Variants in CEP250 observed in about 807,000 individuals in gnomAD.
CEP250 encodes the protein centrosome-associated protein CEP250.
CEP250 carries 242 observed loss-of-function variants against 315.7 expected under a neutral mutation model. The ratio of observed to expected loss-of-function variants is 0.77; its 90% CI spans 0.69 to 0.85. The LOEUF is 0.85. CEP250 is among the 40% of genes least tolerant of loss of function. The probability of loss-of-function intolerance (pLI) is 0.00; values close to 1 mark genes in which losing one functional copy is unlikely to be tolerated. For synonymous variants in CEP250, 1,088 were observed against 1,175.0 expected (o/e 0.93, Z 1.51); for missense variants, 2,515 against 2,886.4 (o/e 0.87, Z 2.95).
intron 20 of CEP250, among the ~76,000 whole-genome samples, chr20:35,486,176 G>A (rs2063509027): frequency 6.6e-6 from 1 of 151,282 alleles, no homozygotes; most frequent in Non-Finnish European, 1.5e-5. Flanking sequence ...TACCACACCT[G>A]GCTAATTTTT....
At chr20:35,489,174 T>G (rs2063610743) in intron 20 of CEP250, among the ~76,000 whole-genome samples, 1 of 136,958 alleles carries the variant, frequency 7.3e-6, no homozygotes, top group Non-Finnish European at 1.5e-5. Context: ...GGCGATAGAG[T>G]GAGACTCTGT....
Position 35,498,733 on chromosome 20 carries a change from C to T in CEP250, c.3777+17C>T. Reference sequence around the variant, plus strand: ...CAGACCCGGGTATGTTTCTCTGCTCCCCTTTCCCGAACTCTTTACATCCCT... The same window carrying T: ...CAGACCCGGGTATGTTTCTCTGCTCTCCTTTCCCGAACTCTTTACATCCCT... On this transcript the variant is annotated intron_variant, in intron 27 of 34. Coordinates refer to ENST00000397527, the MANE Select transcript of CEP250 (RefSeq NM_007186.6). The T allele has an allele frequency of 6.4e-7, 1 of 1,555,468 alleles. No individual in the cohort carries two copies. Among genetic ancestry groups the T allele is most frequent in the South Asian group, 1.2e-5 (1 of 81,980 alleles).
chr20:35,483,062 T>G (rs1362911524), intron 20 of CEP250, among the ~76,000 whole-genome samples: 1 of 152,052 alleles, frequency 6.6e-6, no homozygotes, highest in Non-Finnish European at 1.5e-5. Context: ...GGCTCATGCC[T>G]GTAATCTCAG....
chr20:35,494,786 G>A (rs1237796070), intron 24 of CEP250, 129 bp downstream of exon 24: 1 of 1,015,220 alleles, frequency 9.9e-7, no homozygotes. Context: ...ATGTAGCCAT[G>A]TGGAGAGGAC....
intron 21 of CEP250, 102 bp from the exon 22 acceptor site, chr20:35,491,110 T>G: frequency 7.1e-7 from 1 of 1,407,684 alleles, no homozygotes; most frequent in Non-Finnish European, 9.7e-7. Flanking sequence ...CCCCTTCCCA[T>G]TTGCTAGGAG....
chr20:35,494,374 C>A, intron 23 of CEP250, 150 bp from the exon 24 acceptor site: 1 of 988,040 alleles, frequency 1.0e-6, no homozygotes, highest in Non-Finnish European at 1.5e-6. Context: ...TGGTTAAGAA[C>A]AGTGTGTAGG....
At position 35,481,618 on chromosome 20, in the gene CEP250, A is replaced by ATT. The variant is rs199864664; in HGVS notation, c.2586+1490_2586+1491dup. 3.8e-3 allele frequency among the ~76,000 whole-genome samples: 468 copies of ATT among 123,628 alleles called. 2 individuals are homozygous for ATT. Among genetic ancestry groups the ATT allele is most frequent in the African/African-American group, 0.013 (447 of 33,970 alleles). 81.1% of individuals were successfully genotyped at this position (123,628 alleles called of 152,430 possible). A position where few individuals can be genotyped will look rare whatever the true frequency, so the allele number is the denominator to read the frequency against. ...CTTGCATGTCAGACTTTCTATTCAGATTTTTTTTTTTTTTTTTTGCCTGAA... is the reference window on the plus strand; with the variant it reads ...CTTGCATGTCAGACTTTCTATTCAGATTTTTTTTTTTTTTTTTTTTGCCTGAA... On this transcript the variant is annotated intron_variant, in intron 20 of 34. Coordinates refer to ENST00000397527, the MANE Select transcript of CEP250 (RefSeq NM_007186.6).
At chr20:35,487,295 C>T (rs2063540375) in intron 20 of CEP250, among the ~76,000 whole-genome samples, 1 of 151,906 alleles carries the variant, frequency 6.6e-6, no homozygotes. Flanking sequence ...TGGTGACACC[C>T]CGTCTCTACT....
chr20:35,478,971 T>C, intron 17 of CEP250, among the ~76,000 whole-genome samples: 1 of 152,202 alleles, frequency 6.6e-6, no homozygotes, highest in East Asian at 1.9e-4. Flanking sequence ...GTGCATCTTC[T>C]CAAGGCCAAA....
rs143918348 is a variant in CEP250 at position 35,517,009 on chromosome 20, G to A, written c.*5383G>A. Reference sequence around the variant, plus strand: ...CAGAGCACATGGCAAGTGGCATGCTGACTCAGACACCGGGCACTGAGAAAA... The same window carrying A: ...CAGAGCACATGGCAAGTGGCATGCTAACTCAGACACCGGGCACTGAGAAAA... On this transcript the variant is annotated 3_prime_UTR_variant, in exon 35 of 35. Transcript: ENST00000397527. 20 of 985,570 alleles carry A rather than the reference G, an allele frequency of 2.0e-5. No individual in the cohort carries two copies. The African/African-American group carries it at 3.1e-4, about 15-fold the overall frequency. The allele number at this position is 985,570 out of a possible 1,614,324, so 61.1% of individuals were successfully genotyped here. A position where few individuals can be genotyped will look rare whatever the true frequency, so the allele number is the denominator to read the frequency against.
chr20:35,506,916 G>A (rs1312598459), intron 30 of CEP250, among the ~76,000 whole-genome samples: 1 of 152,192 alleles, frequency 6.6e-6, no homozygotes, highest in Non-Finnish European at 1.5e-5. Flanking sequence ...TAATTGGGCA[G>A]GAGGGCACTT....
At chr20:35,467,621 G>T (rs988345278) in intron 9 of CEP250, 66 bp downstream of exon 9, 115 of 1,528,746 alleles carry the variant, frequency 7.5e-5, no homozygotes, top group Non-Finnish European at 9.8e-5. Context: ...GAGGGTTAGG[G>T]ACAGGCAGGG....
chr20:35,501,150 G>T (rs1232918822), intron 28 of CEP250, among the ~76,000 whole-genome samples: 1 of 152,038 alleles, frequency 6.6e-6, no homozygotes, highest in Non-Finnish European at 1.5e-5. Context: ...GGAGAGGAAG[G>T]GTCTTGAAGC....
rs540854770 is a variant in CEP250 at position 35,489,846 on chromosome 20, T to C, written c.2587-791T>C. Among the ~76,000 whole-genome samples, 7 of 152,320 alleles carry C rather than the reference T, an allele frequency of 4.6e-5. No individual in the cohort carries two copies. The East Asian group carries it at 1.2e-3, about 25-fold the overall frequency. On this transcript the variant is annotated intron_variant, in intron 20 of 34. Transcript: ENST00000397527. Reference sequence around the variant, plus strand: ...AGCCAGAATTGGCCGCCTCAGTTCATTGTTACAACTGTCAACCACAATGTG... The same window carrying C: ...AGCCAGAATTGGCCGCCTCAGTTCACTGTTACAACTGTCAACCACAATGTG...
At chr20:35,478,898 C>T (rs1010649267) in intron 17 of CEP250, among the ~76,000 whole-genome samples, 8 of 152,134 alleles carry the variant, frequency 5.3e-5, no homozygotes, top group African/African-American at 1.9e-4. Flanking sequence ...AATAATTGTA[C>T]GGACTCTCCC....
At chr20:35,511,296 G>T in intron 34 of CEP250, 67 bp from the exon 35 acceptor site, 1 of 1,370,050 alleles carries the variant, frequency 7.3e-7, no homozygotes, top group Non-Finnish European at 1.0e-6. Flanking sequence ...ACACAGAGCA[G>T]GAAGAGCTGG....
chr20:35,467,247 A>G, intron 8 of CEP250, 57 bp from the exon 9 acceptor site: 8 of 1,575,536 alleles, frequency 5.1e-6, no homozygotes, highest in Non-Finnish European at 6.9e-6. Flanking sequence ...GGGCCTGATC[A>G]CCACACTCCT....
At position 35,465,355 on chromosome 20, in the gene CEP250, G is replaced by A. The variant is rs139841466; in HGVS notation, c.244-388G>A. ...GAATCACTTGAACCTGGGAGGCGGT[G>A]GTTGCAGTGAGCTGAGATTGTGCCA... is the stretch of plus-strand genomic sequence containing the variant. On this transcript the variant is annotated intron_variant, in intron 5 of 34. Transcript: ENST00000397527. Among the ~76,000 whole-genome samples the A allele has an allele frequency of 8.0e-4, 121 of 151,764 alleles. 2 individuals are homozygous for A. Among genetic ancestry groups the A allele is most frequent in the African/African-American group, 2.5e-3 (105 of 41,348 alleles).
chr20:35,457,905 A>ATC (rs1270141836), intron 1 of CEP250, among the ~76,000 whole-genome samples: 1 of 152,192 alleles, frequency 6.6e-6, no homozygotes, highest in African/African-American at 2.4e-5. Flanking sequence ...GGAGATGAGA[A>ATC]AAGGCAGCAA....
Sources: gnomAD v4.1 joint callset for allele counts (sites outside exome capture counted in the v4.1 genomes callset) on GRCh38, gnomAD v4.1.1 for gene constraint, MANE v1.5 for transcripts, NCBI Gene and HGNC (gene_info 2026-07-23, HGNC 2026-07-21) for gene names.